Variants in TSPEAR observed in about 807,000 individuals in gnomAD.
TSPEAR encodes thrombospondin-type laminin G domain and EAR repeat-containing protein.
In TSPEAR, 69 loss-of-function variants were observed where a neutral mutation model predicts 71.6. The observed-to-expected ratio is 0.96, with a 90% CI of 0.79 to 1.18. The LOEUF (loss-of-function observed/expected upper bound fraction) is 1.18. TSPEAR is among the 50% of genes most tolerant of loss of function. TSPEAR has a pLI of 0.00. For synonymous variants in TSPEAR, 402 were observed against 387.2 expected, an observed-to-expected ratio of 1.04 and a Z score of -0.45; for missense variants, 971 against 894.9, an observed-to-expected ratio of 1.09 and a Z score of -1.09.
chr21:44,534,095 C>G (rs2053035056), intron 2 of TSPEAR, among the ~76,000 whole-genome samples, 172 bp from the exon 3 acceptor site: 1 of 133,182 alleles, frequency 7.5e-6, no homozygotes, highest in Admixed American at 7.6e-5. Flanking sequence ...TGGATAGGGG[C>G]CTTCTAATTA....
intron 6 of TSPEAR, among the ~76,000 whole-genome samples, chr21:44,527,917 G>A (rs1477249770): frequency 3.3e-5 from 5 of 152,132 alleles, no homozygotes; most frequent in African/African-American, 7.2e-5. Context: ...CCCCAGCAGC[G>A]GGAACGGACT....
intron 2 of TSPEAR, among the ~76,000 whole-genome samples, chr21:44,562,432 A>G (rs2053650155): frequency 6.6e-6 from 1 of 152,232 alleles, no homozygotes. Context: ...ATTCAATGCT[A>G]TTCCCATCAA....
At chr21:44,628,592 T>C (rs1316383734) in intron 1 of TSPEAR, among the ~76,000 whole-genome samples, 1 of 151,960 alleles carries the variant, frequency 6.6e-6, no homozygotes, top group Admixed American at 6.5e-5. Context: ...AAAAGCCTTG[T>C]TCACTGGCTG....
chr21:44,666,952 A>G, intron 1 of TSPEAR: 3 of 1,536,896 alleles, frequency 2.0e-6, no homozygotes, highest in Non-Finnish European at 2.6e-6. Context: ...CTCCCTGGGC[A>G]GCCTTTATAC....
intron 1 of TSPEAR, among the ~76,000 whole-genome samples, chr21:44,616,543 G>A (rs1204080712): frequency 6.6e-6 from 1 of 152,106 alleles, no homozygotes; most frequent in Non-Finnish European, 1.5e-5. Flanking sequence ...TCCCTGCCAG[G>A]TGCCTTCCAG....
At chr21:44,502,850 TTGGGGGGAAGCAAGGCTCTGGGAGGAGGC>T (rs2052062341) in intron 11 of TSPEAR, among the ~76,000 whole-genome samples, 1 of 140,516 alleles carries the variant, frequency 7.1e-6, no homozygotes, top group African/African-American at 2.8e-5. Flanking sequence ...CGGTGAGCCC[TTGGGGGGAAGCAAGGCTCTGGGAGGAGGC>T]CGGCCTCGGT....
chr21:44,537,853 G>T (rs1274564359), intron 2 of TSPEAR, among the ~76,000 whole-genome samples: 3 of 152,222 alleles, frequency 2.0e-5, no homozygotes, highest in Non-Finnish European at 4.4e-5. Flanking sequence ...AATGTGAACA[G>T]GAAACTTTCA....
intron 1 of TSPEAR, chr21:44,654,723 G>A (rs1985034569): frequency 4.2e-6 from 3 of 718,796 alleles, no homozygotes; most frequent in Non-Finnish European, 6.9e-6. Flanking sequence ...CAAGCCCCCT[G>A]GCATCTTCCT....
At position 44,506,320 on chromosome 21, in the gene TSPEAR, G is replaced by GA. The variant is rs1285257599; in HGVS notation, c.1755-1440dup. Among the ~76,000 whole-genome samples the GA allele has an allele frequency of 2.6e-5, 4 of 152,270 alleles. No homozygotes were observed. The highest frequency in any genetic ancestry group is 4.8e-5 in the African/African-American group (2 of 41,474). On this transcript the variant is annotated intron_variant, in intron 10 of 11. Coordinates refer to ENST00000323084, the MANE Select transcript of TSPEAR (RefSeq NM_144991.3). This position sits in a 1 kb window ranked among gnomAD's most constrained non-coding sequence, Gnocchi z 4.2. The stretch of plus-strand genomic sequence containing the variant: ...CGTCAGCCCCACATCTCAAGATGAG[G>GA]AAATGGAGGTCGAAGCCATGCACAC...
chr21:44,509,145 T>TG, intron 10 of TSPEAR, 54 bp downstream of exon 10: 1 of 1,568,194 alleles, frequency 6.4e-7, no homozygotes, highest in East Asian at 2.3e-5. Flanking sequence ...GATTCCGACA[T>TG]GGTGGGCCTC....
At chr21:44,645,958 T>C (rs1307854609) in intron 1 of TSPEAR, among the ~76,000 whole-genome samples, 1 of 150,252 alleles carries the variant, frequency 6.7e-6, no homozygotes, top group African/African-American at 2.4e-5. Context: ...GCCAAGATGG[T>C]GAAACCCCGT....
Position 44,517,649 on chromosome 21 carries a change from GAACT to G in TSPEAR, c.1566+4230_1566+4233del, listed in dbSNP as rs587639460. ...GTGCTCCTTGTCTGACTTGATATGA[GAACT>G]AACCCAATATGGCAGGAAGCCACTG... On this transcript the variant is annotated intron_variant, in intron 9 of 11. Coordinates refer to ENST00000323084, the MANE Select transcript of TSPEAR (RefSeq NM_144991.3). 56 of 418,168 alleles carry G rather than the reference GAACT, an allele frequency of 1.3e-4. 1 individual carries two copies. Among genetic ancestry groups the G allele is most frequent in the South Asian group, 4.5e-4 (26 of 57,288 alleles). The allele number at this position is 418,168 out of a possible 1,614,324, so 25.9% of individuals were successfully genotyped here.
intron 2 of TSPEAR, among the ~76,000 whole-genome samples, chr21:44,536,290 T>G (rs782419611): frequency 6.6e-6 from 1 of 152,256 alleles, no homozygotes; most frequent in Non-Finnish European, 1.5e-5. Flanking sequence ...CACTGACTTC[T>G]GGGCCTGGTT....
intron 1 of TSPEAR, among the ~76,000 whole-genome samples, chr21:44,605,426 T>C (rs1981244756): frequency 6.6e-6 from 1 of 152,222 alleles, no homozygotes; most frequent in Non-Finnish European, 1.5e-5. Context: ...TTCAATATCA[T>C]TTTTACAAAT....
Position 44,612,775 on chromosome 21 carries a change from C to A in TSPEAR, c.83-44770G>T, listed in dbSNP as rs587645811. 783 of 1,613,682 alleles carry A rather than the reference C, an allele frequency of 4.9e-4. 11 individuals carry two copies. The South Asian group carries it at 8.2e-3, about 17-fold the overall frequency. Reference sequence around the variant, plus strand: ...GCCGGCCTGCCTGCTGTGTGCCTGTCCCCTCCTGTTGTGTCCCTGCCTCCT... The same window carrying A: ...GCCGGCCTGCCTGCTGTGTGCCTGTACCCTCCTGTTGTGTCCCTGCCTCCT... On this transcript the variant is annotated intron_variant, in intron 1 of 11. Transcript: ENST00000323084. This position sits in a 1 kb window ranked among gnomAD's most constrained non-coding sequence, Gnocchi z 4.1.
chr21:44,698,656 G>A (rs1555951114), intron 1 of TSPEAR, among the ~76,000 whole-genome samples: 1 of 152,202 alleles, frequency 6.6e-6, no homozygotes, highest in East Asian at 1.9e-4. Context: ...AGACAGAGAG[G>A]ATGGCTCGCT....
intron 9 of TSPEAR, among the ~76,000 whole-genome samples, chr21:44,514,769 AGTT>A (rs2145938562): frequency 1.3e-5 from 2 of 152,126 alleles, no homozygotes; most frequent in African/African-American, 4.8e-5. Flanking sequence ...CCTGGAAGAA[AGTT>A]GTTCTAGAAT....
intron 2 of TSPEAR, among the ~76,000 whole-genome samples, chr21:44,564,394 A>C (rs1452371854): frequency 6.6e-6 from 1 of 152,226 alleles, no homozygotes; most frequent in African/African-American, 2.4e-5. Context: ...TAAAGTAGGC[A>C]TTCTTTATAT....
chr21:44,651,181 T>C, intron 1 of TSPEAR, among the ~76,000 whole-genome samples: 1 of 152,090 alleles, frequency 6.6e-6, no homozygotes. Context: ...GCCGAAGCCC[T>C]GGCAAGCAGA....
Sources: allele counts gnomAD v4.1 joint callset (sites outside exome capture counted in the v4.1 genomes callset), GRCh38; gene constraint gnomAD v4.1.1; non-coding constraint Gnocchi (gnomAD v3.1); transcripts MANE v1.5; gene names NCBI Gene and HGNC (gene_info 2026-07-23, HGNC 2026-07-21).